Variants in NDST3 observed in about 807,000 individuals in gnomAD.
NDST3 encodes bifunctional heparan sulfate N-deacetylase/N-sulfotransferase 3.
A neutral mutation model predicts 96.1 loss-of-function variants in NDST3; 58 were observed. The observed-to-expected ratio is 0.60, with a 90% CI of 0.49 to 0.75. The LOEUF (loss-of-function observed/expected upper bound fraction) is 0.75. Ranked by LOEUF, NDST3 falls within the 30% of genes least tolerant of loss-of-function variation. The pLI, the probability that NDST3 is intolerant of heterozygous loss-of-function variation, is 0.00. For synonymous variants in NDST3, 333 were observed against 359.7 expected, an observed-to-expected ratio of 0.93 and a Z score of 0.84; for missense variants, 788 against 1,034.2, an observed-to-expected ratio of 0.76 and a Z score of 3.27.
At chr4:118,250,818 T>G (rs941569262) in intron 12 of NDST3, among the ~76,000 whole-genome samples, 3 of 152,110 alleles carry the variant, frequency 2.0e-5, no homozygotes, top group African/African-American at 7.2e-5. Context: ...TATTGATATT[T>G]TTATCTTTTA....
intron 6 of NDST3, chr4:118,194,695 G>C: frequency 1.7e-6 from 1 of 597,070 alleles, no homozygotes; most frequent in South Asian, 1.8e-5. Flanking sequence ...CTCCCTCCAT[G>C]GGAAGAGGCG....
intron 4 of NDST3, among the ~76,000 whole-genome samples, chr4:118,122,299 T>A (rs1054147342): frequency 6.6e-6 from 1 of 152,124 alleles, no homozygotes; most frequent in Non-Finnish European, 1.5e-5. Flanking sequence ...GCTCTTTCCT[T>A]TTACGCCTTT....
rs757713167 is a variant in NDST3, at chr4:118,054,241, G to T, written c.331G>T (p.Ala111Ser). 26 of 1,612,522 alleles carry T rather than the reference G, an allele frequency of 1.6e-5. No homozygotes were observed. Among genetic ancestry groups the T allele is most frequent in the Non-Finnish European group, 3.4e-6 (4 of 1,179,328 alleles). ...SSRFQYHIEI[A>S]PGKGDLPVLI... ...TAGATTCCAGTATCACATTGAAATT[G>T]CCCCTGGAAAGGGAGATCTCCCAGT... Residue 111 changes from alanine (A) to serine (S), a missense_variant, in exon 2 of 14, where the codon GCC becomes TCC. Physicochemically the swap from Ala to Ser is moderately conservative, Grantham distance 99. Transcript: ENST00000296499.
At position 118,240,677 on chromosome 4, in the gene NDST3, T is replaced by C; in HGVS notation, c.2272T>C (p.Tyr758His). ...CAGCCACATCGAGAGATGGCTTGTT[T>C]ATTTCCCCCCATTTCAGGTATGGAG... is the stretch of plus-strand genomic sequence containing the variant. ...YASHIERWLV[Y>H]FPPFQLLIID... The change falls in exon 11 of 14, where the codon TAT (tyrosine) becomes CAT (histidine). Residue 758 changes from tyrosine to histidine, a missense_variant. Around this residue, in one of 3 missense-constraint regions of NDST3, gnomAD observed 490 missense variants for 708.8 expected, o/e 0.69. Transcript: ENST00000296499. 1 of 1,613,514 alleles carries C rather than the reference T, an allele frequency of 6.2e-7. No homozygotes were observed.
rs746944580 is a variant in NDST3, at chr4:118,114,798, C to CG, written c.1070-8_1070-7insG. ...GGAATTAATTGGATAATATTTCCCC[C>CG]CCTAAAGGAACTGAAGAGGAAGATG... On this transcript the variant is annotated splice_polypyrimidine_tract_variant and splice_region_variant and intron_variant, in intron 3 of 13. Coordinates refer to ENST00000296499, the MANE Select transcript of NDST3 (RefSeq NM_004784.3). 1.2e-6 allele frequency: 2 copies of CG among 1,613,160 alleles called. No individual in the cohort carries two copies. The highest frequency in any genetic ancestry group is 2.2e-5 in the South Asian group (2 of 91,020).
At chr4:118,105,254 AT>A (rs1730077389) in intron 3 of NDST3, 149 bp downstream of exon 3, 1 of 565,596 alleles carries the variant, frequency 1.8e-6, no homozygotes, top group Non-Finnish European at 3.1e-6. Flanking sequence ...CTATTTTTTA[AT>A]TTTTGTAAAA....
intron 1 of NDST3, among the ~76,000 whole-genome samples, chr4:118,049,220 G>A (rs1020303935): frequency 2.0e-5 from 3 of 152,076 alleles, no homozygotes; most frequent in African/African-American, 7.2e-5. Context: ...ATGCAGCTAA[G>A]TTAGTGTAAA....
chr4:118,082,887 G>C (rs572927541), intron 2 of NDST3, among the ~76,000 whole-genome samples: 1 of 152,234 alleles, frequency 6.6e-6, no homozygotes, highest in South Asian at 2.1e-4. Context: ...GAAGGCAAAG[G>C]GGAAGTAGGC....
intron 1 of NDST3, among the ~76,000 whole-genome samples, chr4:118,040,971 C>A (rs1560603434): frequency 1.3e-5 from 2 of 150,418 alleles, no homozygotes; most frequent in Admixed American, 1.3e-4. Context: ...CTGGTCTCCA[C>A]CCCTGAGCTC....
At chr4:118,079,906 C>T (rs959746496) in intron 2 of NDST3, among the ~76,000 whole-genome samples, 5 of 151,990 alleles carry the variant, frequency 3.3e-5, no homozygotes, top group African/African-American at 1.2e-4. Flanking sequence ...GTGGGAAGCA[C>T]TAGGAAAGAA....
intron 9 of NDST3, among the ~76,000 whole-genome samples, chr4:118,233,880 A>G (rs536184845): frequency 6.6e-6 from 1 of 152,204 alleles, no homozygotes; most frequent in Non-Finnish European, 1.5e-5. Flanking sequence ...GTATTTTAGC[A>G]TAGTCATATA....
intron 6 of NDST3, among the ~76,000 whole-genome samples, chr4:118,214,779 A>G (rs960213318): frequency 2.0e-5 from 3 of 152,194 alleles, no homozygotes; most frequent in African/African-American, 7.2e-5. Flanking sequence ...TCAATAAGAA[A>G]TGAGGATCTG....
intron 2 of NDST3, among the ~76,000 whole-genome samples, chr4:118,094,834 T>C (rs1729159542): frequency 6.6e-6 from 1 of 151,738 alleles, no homozygotes; most frequent in Non-Finnish European, 1.5e-5. Flanking sequence ...TAAATAAAGG[T>C]ACACCAATAG....
intron 6 of NDST3, among the ~76,000 whole-genome samples, chr4:118,171,200 G>A (rs1327253016): frequency 6.6e-6 from 1 of 152,022 alleles, no homozygotes; most frequent in African/African-American, 2.4e-5. Flanking sequence ...CTTTGTAGTA[G>A]AAACTTCAGC....
At chr4:118,160,817 T>G (rs1007819808) in intron 6 of NDST3, among the ~76,000 whole-genome samples, 6 of 152,236 alleles carry the variant, frequency 3.9e-5, no homozygotes, top group Admixed American at 1.3e-4. Context: ...TGGTTTGAAT[T>G]TCCTCCTGTA....
intron 6 of NDST3, among the ~76,000 whole-genome samples, chr4:118,220,942 T>C (rs1739500122): frequency 6.6e-6 from 1 of 152,064 alleles, no homozygotes; most frequent in Non-Finnish European, 1.5e-5. Flanking sequence ...TATATTTCTA[T>C]GGAAAATAAA....
At chr4:118,069,426 C>A (rs1726861970) in intron 2 of NDST3, among the ~76,000 whole-genome samples, 1 of 151,990 alleles carries the variant, frequency 6.6e-6, no homozygotes, top group Non-Finnish European at 1.5e-5. Flanking sequence ...CCTTGGGAAG[C>A]TTTAAACATT....
In NDST3 at chr4:118,233,019, T is replaced by C; in HGVS notation, c.1827T>C (p.Thr609=). Residue 609 remains threonine (T), a synonymous_variant, in exon 9 of 14, where the codon ACT becomes ACC. Coordinates refer to ENST00000296499, the MANE Select transcript of NDST3 (RefSeq NM_004784.3). ...CCTCTATTGTCTTTCTAGGTACCAC[T>C]GCTTTGTATTTGTTCCTGGTTATGC... The part of the protein sequence containing the change: ...LVIGPQKTGT[T]ALYLFLVMHP... 1 of 1,612,262 alleles carries C rather than the reference T, an allele frequency of 6.2e-7. No individual in the cohort carries two copies. Among genetic ancestry groups the C allele is most frequent in the East Asian group, 2.2e-5 (1 of 44,806 alleles).
intron 3 of NDST3, among the ~76,000 whole-genome samples, chr4:118,106,791 T>C (rs1292984585): frequency 6.6e-6 from 1 of 151,684 alleles, no homozygotes; most frequent in Non-Finnish European, 1.5e-5. Context: ...AATCTGTCTC[T>C]TAAAAAAAAA....
Sources: gnomAD v4.1 joint callset for allele counts (sites outside exome capture counted in the v4.1 genomes callset) on GRCh38, gnomAD v4.1.1 for gene constraint, gnomAD v4.1.1 regional missense constraint, MANE v1.5 for transcripts, NCBI Gene and HGNC (gene_info 2026-07-23, HGNC 2026-07-21) for gene names.